Variants in GRK1 observed in about 807,000 individuals in gnomAD.
GRK1 encodes the protein rhodopsin kinase GRK1.
A neutral mutation model predicts 41.7 loss-of-function variants in GRK1; 28 were observed. The observed-to-expected ratio is 0.67, with a 90% CI of 0.50 to 0.92. The LOEUF (loss-of-function observed/expected upper bound fraction) is 0.92. GRK1 is among the 40% of genes least tolerant of loss of function. GRK1 has a pLI of 0.00. For synonymous variants in GRK1, 327 were observed against 286.7 expected (o/e 1.14, Z -1.42); for missense variants, 703 against 671.2 (o/e 1.05, Z -0.52).
At chr13:113,668,338 C>T (rs749869968) in intron 1 of GRK1, among the ~76,000 whole-genome samples, 3 of 152,230 alleles carry the variant, frequency 2.0e-5, no homozygotes, top group Non-Finnish European at 4.4e-5. Flanking sequence ...CACGTTCACT[C>T]GTCGGTTTTT....
Position 113,671,734 on chromosome 13 carries a change from A to T in GRK1, c.985+78A>T. On this transcript the variant is annotated intron_variant, in intron 3 of 6. Coordinates refer to ENST00000335678, the MANE Select transcript of GRK1 (RefSeq NM_002929.3). The surrounding 1 kb of genome is among the most constrained non-coding windows in gnomAD (Gnocchi z 4.1). ...CAGCTTCCTTGGGGGTCTCTGCACA[A>T]CCTCACGAGGGCTGACGGCTGTGTG... 1.4e-6 allele frequency: 1 copy of T among 696,024 alleles called. No homozygotes were observed. Among genetic ancestry groups the T allele is most frequent in the Non-Finnish European group, 2.6e-6 (1 of 381,974 alleles). The allele number at this position is 696,024 out of a possible 1,614,324, so 43.1% of individuals were successfully genotyped here.
rs554547593 is a variant in GRK1 at position 113,735,589 on chromosome 13, C to T, written c.*226C>T. On this transcript the variant is annotated 3_prime_UTR_variant, in exon 7 of 7. Transcript: ENST00000335678. ...CGTGAGCCCCCGACTGCATATTTCA[C>T]GTCTTTTGCTCCATCTCACTGAGAA... The T allele has an allele frequency of 6.2e-5, 29 of 469,550 alleles. No homozygotes were observed. The South Asian group carries it at 1.2e-3, about 19-fold the overall frequency. The allele number at this position is 469,550 out of a possible 1,614,324, so 29.1% of individuals were successfully genotyped here. A position where few individuals can be genotyped will look rare whatever the true frequency, so the allele number is the denominator to read the frequency against.
Position 113,667,782 on chromosome 13 carries a change from G to A in GRK1, c.396G>A (p.Ala132=), listed in dbSNP as rs774334907. The change falls in exon 1 of 7, where the codon GCG becomes GCA. Residue 132 remains alanine, a synonymous_variant. Coordinates refer to ENST00000335678, the MANE Select transcript of GRK1 (RefSeq NM_002929.3). This position sits in a 1 kb window ranked among gnomAD's most constrained non-coding sequence, Gnocchi z 7.5. ...GCTTCCTGGATGAGGGGATAGTGGC[G>A]AAGTTTAAGGAGGGGCCTGTGGAGA... The part of the protein sequence containing the change: ...FCSFLDEGIV[A]KFKEGPVEIQ... 2.9e-5 allele frequency: 46 copies of A among 1,611,924 alleles called. No homozygotes were observed. The Middle Eastern group carries it at 1.5e-3, about 52-fold the overall frequency.
chr13:113,734,814 A>G (rs1277086315), intron 6 of GRK1: 7 of 386,144 alleles, frequency 1.8e-5, no homozygotes, highest in Non-Finnish European at 3.2e-5. Context: ...TTTCACAAGA[A>G]GGCTCCAAAA....
At chr13:113,659,585 T>C in the GRK1 span, among the ~76,000 whole-genome samples, 3 of 152,190 alleles carry the variant, frequency 2.0e-5, no homozygotes, top group Admixed American at 1.3e-4. Context: ...TTTTTTTTAA[T>C]TTCTAATTTT....
the GRK1 span, chr13:113,651,680 G>A: frequency 1.3e-5 from 21 of 1,612,998 alleles, no homozygotes; most frequent in African/African-American, 1.5e-4. Context: ...CCAGGAAGGC[G>A]CAGTCCACTC....
chr13:113,651,502 G>A, the GRK1 span, among the ~76,000 whole-genome samples: 5 of 152,242 alleles, frequency 3.3e-5, no homozygotes, highest in Admixed American at 1.3e-4. Flanking sequence ...GGTTTTACCC[G>A]CCATGGTGGA....
chr13:113,733,878 C>CGCGTGT (rs1566700183), intron 6 of GRK1, among the ~76,000 whole-genome samples: 1 of 78,094 alleles, frequency 1.3e-5, no homozygotes, highest in African/African-American at 8.8e-5. Context: ...TGCGTGTGTG[C>CGCGTGT]ATACGTGTGT....
upstream of GRK1, among the ~76,000 whole-genome samples, chr13:113,665,942 C>T (rs2140713673): frequency 7.1e-6 from 1 of 141,142 alleles, no homozygotes; most frequent in East Asian, 2.2e-4. Flanking sequence ...GGTGTGCCCC[C>T]CAGTGCATCC....
upstream of GRK1, among the ~76,000 whole-genome samples, chr13:113,664,906 C>T (rs1238026737): frequency 6.6e-6 from 1 of 152,210 alleles, no homozygotes; most frequent in African/African-American, 2.4e-5. The surrounding 1 kb of genome is among the most constrained non-coding windows in gnomAD (Gnocchi z 5.4). Context: ...AAGGTCACTG[C>T]TGTGAAGGGC....
intron 6 of GRK1, among the ~76,000 whole-genome samples, chr13:113,733,512 TGTGTGTGCATGTGTGCGC>T (rs1192728490): frequency 1.5e-5 from 2 of 135,456 alleles, no homozygotes; most frequent in African/African-American, 6.5e-5. Flanking sequence ...TGTGTGCACG[TGTGTGTGCATGTGTGCGC>T]GTGTGTGCAT....
the GRK1 span, among the ~76,000 whole-genome samples, chr13:113,657,074 G>T: frequency 6.6e-6 from 1 of 152,194 alleles, no homozygotes; most frequent in African/African-American, 2.4e-5. Context: ...CCTCCAGCGG[G>T]GGCTGCAGCC....
chr13:113,671,728 T>A lies in GRK1; in HGVS notation c.985+72T>A, dbSNP rs1359488362. 7 of 698,154 alleles carry A rather than the reference T, an allele frequency of 1.0e-5. No individual in the cohort carries two copies. Among genetic ancestry groups the A allele is most frequent in the African/African-American group, 3.5e-5 (2 of 56,888 alleles). 43.2% of individuals were successfully genotyped at this position (698,154 alleles called of 1,614,324 possible). A position where few individuals can be genotyped will look rare whatever the true frequency, so the allele number is the denominator to read the frequency against. On this transcript the variant is annotated intron_variant, in intron 3 of 6. Transcript: ENST00000335678. This position sits in a 1 kb window ranked among gnomAD's most constrained non-coding sequence, Gnocchi z 4.1. ...GGGGCGCAGCTTCCTTGGGGGTCTC[T>A]GCACAACCTCACGAGGGCTGACGGC...
chr13:113,727,995 G>A (rs1396977951), intron 4 of GRK1, among the ~76,000 whole-genome samples: 1 of 85,044 alleles, frequency 1.2e-5, no homozygotes, highest in Non-Finnish European at 2.2e-5. Flanking sequence ...TACCCATGGC[G>A]ATGAGTACCC....
chr13:113,733,267 G>A (rs887157258), intron 6 of GRK1, among the ~76,000 whole-genome samples, 182 bp downstream of exon 6: 5 of 152,212 alleles, frequency 3.3e-5, no homozygotes, highest in East Asian at 1.9e-4. Context: ...AGGACAAGCC[G>A]ATGGAGCCGG....
upstream of GRK1, among the ~76,000 whole-genome samples, chr13:113,665,349 T>G (rs149861272): frequency 6.7e-6 from 1 of 148,690 alleles, no homozygotes; most frequent in East Asian, 2.0e-4. Context: ...CCAGGTGTGT[T>G]GCAGGTGTGT....
the GRK1 span, among the ~76,000 whole-genome samples, chr13:113,653,871 G>A: frequency 6.6e-6 from 1 of 152,268 alleles, no homozygotes; most frequent in Admixed American, 6.5e-5. Context: ...ACAGCGGGGA[G>A]TGAAACGCAG....
rs977574361 is a variant in GRK1, at chr13:113,731,263, T to G, written c.1114T>G (p.Ser372Ala). Residue 372 changes from serine (S) to alanine (A), a missense_variant, in exon 5 of 7, where the codon TCC (serine) becomes GCC (alanine). Physicochemically the swap from Ser to Ala is moderately conservative, Grantham distance 99. Transcript: ENST00000335678. This position sits in a 1 kb window ranked among gnomAD's most constrained non-coding sequence, Gnocchi z 5.6. ...ELLQGEEYDF[S>A]VDYFALGVTL... is the part of the protein sequence containing the mutation. ...CCTGCAGGGCGAGGAGTACGACTTC[T>G]CCGTGGACTACTTTGCCCTGGGGGT... is the stretch of plus-strand genomic sequence containing the variant. The G allele has an allele frequency of 3.3e-6, 5 of 1,536,958 alleles. No individual in the cohort carries two copies. In the Admixed American group the frequency reaches 9.8e-5, roughly 30 times the overall value.
At chr13:113,666,294 A>T (rs117119156), upstream of GRK1, among the ~76,000 whole-genome samples, 58 of 147,658 alleles carry the variant, frequency 3.9e-4, 1 homozygote, top group East Asian at 5.7e-3. Flanking sequence ...GGTGTGTTCC[A>T]GGTGTTCCCC....
Sources: allele counts gnomAD v4.1 joint callset (sites outside exome capture counted in the v4.1 genomes callset), GRCh38; gene constraint gnomAD v4.1.1; non-coding constraint Gnocchi (gnomAD v3.1); transcripts MANE v1.5; gene names NCBI Gene and HGNC (gene_info 2026-07-23, HGNC 2026-07-21).